KAT6B: variants seen among roughly 807,000 people sequenced by gnomAD.
The protein encoded by KAT6B is lysine acetyltransferase 6B, also known as histone acetyltransferase KAT6B.
A neutral mutation model predicts 187.5 loss-of-function variants in KAT6B; 10 were observed. The ratio of observed to expected loss-of-function variants is 0.05; its 90% confidence interval spans 0.03 to 0.09. The LOEUF is 0.09. Among genes scored for constraint, KAT6B ranks in the 10% least tolerant of loss-of-function variants. The pLI is 1.00. For missense variants in KAT6B, 1,952 were observed against 2,558.9 expected (o/e 0.76, Z 5.12); for synonymous variants, 861 against 926.8 (o/e 0.93, Z 1.29).
At chr10:74,908,613 G>A (rs908426828) in intron 3 of KAT6B, among the ~76,000 whole-genome samples, 6 of 151,722 alleles carry the variant, frequency 4.0e-5, no homozygotes, top group African/African-American at 1.5e-4. Context: ...CTAGTTTCAG[G>A]CATTCTGTTA....
rs1236563139 is a variant in KAT6B at position 75,020,779 on chromosome 10, C to A, written c.2827C>A (p.Gln943Lys). The change falls in exon 14 of 18, where the codon CAG becomes AAG. Residue 943 changes from glutamine (Q) to lysine (K), a missense_variant. Gln to Lys is a moderately conservative substitution (Grantham distance 53). This residue lies in a region of KAT6B where 758 missense variants were observed against 891.4 expected (regional missense o/e 0.85). Coordinates refer to ENST00000287239, the MANE Select transcript of KAT6B (RefSeq NM_012330.4). ...MCPHDIATTL[Q>K]HLHMIDKRDG... The stretch of plus-strand genomic sequence containing the variant: ...CCCACATGACATTGCCACCACTCTG[C>A]AGCACCTCCACATGATCGACAAGAG... The A allele has an allele frequency of 1.2e-6, 2 of 1,614,014 alleles. No individual in the cohort carries two copies. The highest frequency in any genetic ancestry group is 1.3e-5 in the African/African-American group (1 of 74,920).
rs149299216 is a variant in KAT6B, at chr10:74,972,356, A to C, written c.929-151A>C. ...AAATTGACCTTAGTGATGGCTTCCT[A>C]AGGAAAATGACAAAGGGAATGACGC... is the stretch of plus-strand genomic sequence containing the variant. On this transcript the variant is annotated intron_variant, in intron 6 of 17. Coordinates refer to ENST00000287239, the MANE Select transcript of KAT6B (RefSeq NM_012330.4). The C allele has an allele frequency of 9.7e-4, 596 of 612,460 alleles. 3 individuals are homozygous for C. The African/African-American group carries it at 0.01, about 11-fold the overall frequency. 37.9% of individuals were successfully genotyped at this position (612,460 alleles called of 1,614,324 possible). A position where few individuals can be genotyped will look rare whatever the true frequency, so the allele number is the denominator to read the frequency against.
intron 3 of KAT6B, among the ~76,000 whole-genome samples, chr10:74,903,609 T>G: frequency 6.6e-6 from 1 of 152,156 alleles, no homozygotes; most frequent in Non-Finnish European, 1.5e-5. Context: ...GAATTTTTCC[T>G]AAGAGCTCAT....
chr10:74,866,590 TA>T (rs1181634815), intron 3 of KAT6B, among the ~76,000 whole-genome samples: 13 of 151,736 alleles, frequency 8.6e-5, no homozygotes, highest in Admixed American at 7.9e-4. Context: ...GTAGATTTAC[TA>T]AAAAAAAGGA....
At chr10:74,991,102 T>C (rs1035178031) in intron 13 of KAT6B, among the ~76,000 whole-genome samples, 50 of 152,210 alleles carry the variant, frequency 3.3e-4, no homozygotes, top group African/African-American at 1.2e-3. Flanking sequence ...ATCTCATACC[T>C]TTATTTTATC....
At chr10:74,969,639 A>AT (rs766978891) in intron 4 of KAT6B, 21 bp from the exon 5 acceptor site, 46 of 1,449,694 alleles carry the variant, frequency 3.2e-5, no homozygotes, top group Non-Finnish European at 4.3e-5. Context: ...CCATCAAGCA[A>AT]TTTGCTTTTT....
At chr10:74,880,900 G>A (rs1329241416) in intron 3 of KAT6B, among the ~76,000 whole-genome samples, 1 of 151,498 alleles carries the variant, frequency 6.6e-6, no homozygotes, top group Non-Finnish European at 1.5e-5. Context: ...ACAGGCGTGA[G>A]CCACTGTTCC....
At chr10:74,874,227 A>T (rs1028803103) in intron 3 of KAT6B, among the ~76,000 whole-genome samples, 2 of 152,248 alleles carry the variant, frequency 1.3e-5, no homozygotes, top group African/African-American at 4.8e-5. Flanking sequence ...ATGTTATCAC[A>T]GAGGTCCTGT....
intron 3 of KAT6B, among the ~76,000 whole-genome samples, chr10:74,886,741 C>T (rs148940623): frequency 5.3e-5 from 8 of 152,266 alleles, no homozygotes; most frequent in African/African-American, 1.2e-4. Context: ...ATTCATGTAT[C>T]GCAGAGAGGG....
intron 13 of KAT6B, among the ~76,000 whole-genome samples, chr10:74,991,222 C>T (rs988609465): frequency 1.4e-4 from 22 of 151,978 alleles, no homozygotes; most frequent in African/African-American, 5.1e-4. Flanking sequence ...AGGACAGTTT[C>T]CTTTATAATA....
chr10:74,946,474 TAAAAC>T (rs1839956390), intron 3 of KAT6B, among the ~76,000 whole-genome samples: 1 of 152,186 alleles, frequency 6.6e-6, no homozygotes, highest in African/African-American at 2.4e-5. Flanking sequence ...GCCCTGAACT[TAAAAC>T]AAATGCTAAT....
At chr10:74,930,604 G>A (rs1244778296) in intron 3 of KAT6B, among the ~76,000 whole-genome samples, 1 of 152,152 alleles carries the variant, frequency 6.6e-6, no homozygotes, top group East Asian at 1.9e-4. Context: ...GAATTGATTG[G>A]TTAGTCAAGA....
At chr10:74,951,590 T>G (rs1383778291) in intron 3 of KAT6B, among the ~76,000 whole-genome samples, 1 of 152,234 alleles carries the variant, frequency 6.6e-6, no homozygotes, top group Non-Finnish European at 1.5e-5. Flanking sequence ...TAGTGACTAT[T>G]ACTAAGCAAG....
intron 3 of KAT6B, among the ~76,000 whole-genome samples, chr10:74,956,947 T>C (rs1483307317): frequency 6.6e-6 from 1 of 152,236 alleles, no homozygotes; most frequent in Non-Finnish European, 1.5e-5. Flanking sequence ...TTTGTGAAAT[T>C]TCAAAGAAAG....
In KAT6B at chr10:75,029,378, G is replaced by T; in HGVS notation, c.4554G>T (p.Lys1518Asn). The T allele has an allele frequency of 6.2e-7, 1 of 1,614,046 alleles. No homozygotes were observed. Among genetic ancestry groups the T allele is most frequent in the Non-Finnish European group, 8.5e-7 (1 of 1,179,996 alleles). Residue 1518 changes from lysine (K) to asparagine (N), a missense_variant, in exon 18 of 18, where the codon AAG becomes AAT. Physicochemically the swap from Lys to Asn is moderately conservative, Grantham distance 94. Transcript: ENST00000287239. The surrounding 1 kb of genome is among the most constrained non-coding windows in gnomAD (Gnocchi z 6.2). Reference sequence around the variant, plus strand: ...AACAGGCACAGAAGCAGGACCAAAAGAACAGCAAGGAAGTCGATACAGAGT... The same window carrying T: ...AACAGGCACAGAAGCAGGACCAAAATAACAGCAAGGAAGTCGATACAGAGT... The part of the protein sequence containing the change: ...PGEQAQKQDQ[K>N]NSKEVDTEFK...
chr10:74,997,972 C>T (rs911742527), intron 13 of KAT6B, among the ~76,000 whole-genome samples: 2 of 151,900 alleles, frequency 1.3e-5, no homozygotes, highest in African/African-American at 2.4e-5. Context: ...AATAGCCGGG[C>T]GTGGTGATGG....
rs764612374 is a variant in KAT6B at position 74,977,321 on chromosome 10, GAAATAA to G, written c.2007_2012del (p.Lys669_Ile670del). ...CTGCTGGTTTTAAATGACAGATACTGAAATAAAAATAAACATCAAACAAGAAAGTGC... is the reference window on the plus strand; with the variant it reads ...CTGCTGGTTTTAAATGACAGATACTGAAATAAACATCAAACAAGAAAGTGC... On this transcript the variant is annotated inframe_deletion, in exon 9 of 18. Coordinates refer to ENST00000287239, the MANE Select transcript of KAT6B (RefSeq NM_012330.4). The G allele has an allele frequency of 2.5e-6, 4 of 1,613,056 alleles. No homozygotes were observed. The highest frequency in any genetic ancestry group is 1.7e-4 in the Middle Eastern group (1 of 6,056).
intron 1 of KAT6B, chr10:74,827,034 CGGGGCGGGATCGGGTG>C (rs1840312780): frequency 4.4e-4 from 1 of 2,264 alleles, no homozygotes; most frequent in Admixed American, 6.8e-3. Context: ...CGGAGGGGGG[CGGGGCGGGATCGGGTG>C]GGGGCGGGGT....
At chr10:75,002,650 C>T (rs1270245869) in intron 13 of KAT6B, among the ~76,000 whole-genome samples, 2 of 152,108 alleles carry the variant, frequency 1.3e-5, no homozygotes, top group Non-Finnish European at 2.9e-5. Context: ...GTACTGGATA[C>T]CGTAGGTGTT....
Sources: gnomAD v4.1 joint callset for allele counts (sites outside exome capture counted in the v4.1 genomes callset) on GRCh38, gnomAD v4.1.1 for gene constraint, gnomAD v4.1.1 regional missense constraint, Gnocchi (gnomAD v3.1) non-coding constraint, MANE v1.5 for transcripts, NCBI Gene and HGNC (gene_info 2026-07-23, HGNC 2026-07-21) for gene names.